Variants in POLE observed in about 807,000 individuals in gnomAD.
POLE encodes DNA polymerase epsilon, catalytic subunit.
In POLE, 188 loss-of-function variants were observed where a neutral mutation model predicts 279.2. The observed-to-expected ratio is 0.67, with a 90% CI of 0.60 to 0.76. POLE has a LOEUF of 0.76. POLE is among the 30% of genes least tolerant of loss of function. The pLI, the probability that POLE is intolerant of heterozygous loss-of-function variation, is 0.00. For synonymous variants in POLE, 1,214 were observed against 1,172.5 expected (o/e 1.04, Z -0.72); for missense variants, 2,703 against 3,016.7 (o/e 0.90, Z 2.44).
intron 16 of POLE, among the ~76,000 whole-genome samples, chr12:132,670,966 C>T (rs991018652): frequency 3.3e-5 from 5 of 152,040 alleles, no homozygotes; most frequent in African/African-American, 1.2e-4. Flanking sequence ...GAATCTATTA[C>T]AAGATGTTTC....
At position 132,639,301 on chromosome 12, in the gene POLE, G is replaced by T. The variant is rs1415497701; in HGVS notation, c.5379-3C>A. On this transcript the variant is annotated splice_region_variant and splice_polypyrimidine_tract_variant and intron_variant, in intron 39 of 48. Coordinates refer to ENST00000320574, the MANE Select transcript of POLE (RefSeq NM_006231.4). This position sits in a 1 kb window ranked among gnomAD's most constrained non-coding sequence, Gnocchi z 4.7. Reference sequence around the variant, plus strand: ...CCACGACCATGCTCTTCAGGATCCTGAAAGAGAAGGTGCACGACACCCTCG... The same window carrying T: ...CCACGACCATGCTCTTCAGGATCCTTAAAGAGAAGGTGCACGACACCCTCG... 4 of 1,613,812 alleles carry T rather than the reference G, an allele frequency of 2.5e-6. No individual in the cohort carries two copies. The highest frequency in any genetic ancestry group is 3.4e-6 in the Non-Finnish European group (4 of 1,179,802).
chr12:132,648,087 G>A lies in POLE; in HGVS notation c.4149+842C>T, dbSNP rs1365009342. On this transcript the variant is annotated intron_variant, in intron 32 of 48. Coordinates refer to ENST00000320574, the MANE Select transcript of POLE (RefSeq NM_006231.4). ...TGTGCTGAGCCGACACATTAACAAC[G>A]GGGAGTTCGGGTGGAGATGCCATCT... Among the ~76,000 whole-genome samples the A allele has an allele frequency of 4.6e-5, 7 of 152,116 alleles. No homozygotes were observed. In the South Asian group the frequency reaches 6.2e-4, roughly 13 times the overall value.
rs780776704 is a variant in POLE, at chr12:132,639,170, G to A, written c.5507C>T (p.Ala1836Val). 68 of 1,614,052 alleles carry A rather than the reference G, an allele frequency of 4.2e-5. No homozygotes were observed. Among genetic ancestry groups the A allele is most frequent in the Non-Finnish European group, 5.7e-5 (67 of 1,180,028 alleles). Residue 1836 changes from alanine to valine, a missense_variant, in exon 40 of 49, where the codon GCC becomes GTC. Coordinates refer to ENST00000320574, the MANE Select transcript of POLE (RefSeq NM_006231.4). The surrounding 1 kb of genome is among the most constrained non-coding windows in gnomAD (Gnocchi z 4.7). ...RSPSSLLHDP[A>V]LHRTLHNMMK... Reference sequence around the variant, plus strand: ...CATGTTGTGGAGTGTGCGGTGCAGGGCAGGGTCATGAAGCAGAGAGGATGG... The same window carrying A: ...CATGTTGTGGAGTGTGCGGTGCAGGACAGGGTCATGAAGCAGAGAGGATGG...
At chr12:132,635,852 C>T in intron 42 of POLE, 40 bp downstream of exon 42, 1 of 1,583,752 alleles carries the variant, frequency 6.3e-7, no homozygotes, top group Non-Finnish European at 8.6e-7. Context: ...TGAACGCGAC[C>T]CCCAAAGCTG....
intron 27 of POLE, 102 bp downstream of exon 27, chr12:132,657,766 G>T: frequency 1.2e-6 from 1 of 852,550 alleles, no homozygotes; most frequent in Non-Finnish European, 1.9e-6. Context: ...GAAGTCAAGA[G>T]TGAAGACGCC....
At chr12:132,672,480 C>G in intron 15 of POLE, 147 bp downstream of exon 15, 1 of 1,058,840 alleles carries the variant, frequency 9.4e-7, no homozygotes, top group Non-Finnish European at 1.4e-6. Context: ...AAGAAGCCCC[C>G]GGGGGGTGCT....
intron 45 of POLE, among the ~76,000 whole-genome samples, chr12:132,629,970 T>C (rs1174743844): frequency 1.3e-5 from 2 of 152,152 alleles, no homozygotes; most frequent in Admixed American, 6.5e-5. Flanking sequence ...CTAATTTCTA[T>C]AGTGTTGTGT....
chr12:132,625,261 C>T, intron 47 of POLE: 1 of 731,380 alleles, frequency 1.4e-6, no homozygotes, highest in East Asian at 2.6e-5. Context: ...CTCCCTCCAT[C>T]CTGCAGGCCT....
rs2042771973 is a variant in POLE at position 132,665,389 on chromosome 12, C to A, written c.2381G>T (p.Cys794Phe). The change falls in exon 21 of 49, where the codon TGC becomes TTC. Residue 794 changes from cysteine (C) to phenylalanine (F), a missense_variant. Transcript: ENST00000320574. ...GTCATACAGCACCTCCATGTTCTTG[C>A]AGCGCTTCACCTCAGCCGCGTCGCC... ...EVGDAAEVKRCKNMEVLYDSL... is the reference protein window; with the variant it reads ...EVGDAAEVKRFKNMEVLYDSL... The A allele has an allele frequency of 1.2e-6, 2 of 1,613,848 alleles. No individual in the cohort carries two copies. The highest frequency in any genetic ancestry group is 1.7e-5 in the Admixed American group (1 of 60,020).
chr12:132,668,675 G>T lies in POLE; in HGVS notation c.1986C>A (p.Asn662Lys). ...ACTGCCAGGCCATCTTCCGCTGGCAGTTTGCTCCAGGCTTATTGAAGTCAC... is the reference window on the plus strand; with the variant it reads ...ACTGCCAGGCCATCTTCCGCTGGCATTTTGCTCCAGGCTTATTGAAGTCAC... ...AACDFNKPGA[N>K]CQRKMAWQWR... The change falls in exon 18 of 49, where the codon AAC (asparagine) becomes AAA (lysine). Residue 662 changes from asparagine to lysine, a missense_variant. This residue lies in a region of POLE where 1,011 missense variants were observed against 1,111.7 expected (regional missense o/e 0.91). Transcript: ENST00000320574. This position sits in a 1 kb window ranked among gnomAD's most constrained non-coding sequence, Gnocchi z 4.0. 6.2e-7 allele frequency: 1 copy of T among 1,613,840 alleles called. No homozygotes were observed. Among genetic ancestry groups the T allele is most frequent in the Non-Finnish European group, 8.5e-7 (1 of 1,179,748 alleles).
In POLE at chr12:132,677,392, T is replaced by C. The variant is rs770579985; in HGVS notation, c.772A>G (p.Thr258Ala). The stretch of plus-strand genomic sequence containing the variant: ...CGTTCAACAAGGTCATCTCGGCGGG[T>C]GATTTCTACCGGAAAAGCATTTCCT... ...YRGNAFPVEI[T>A]RRDDLVERPD... The change falls in exon 8 of 49, where the codon ACC becomes GCC. Residue 258 changes from threonine (T) to alanine (A), a missense_variant. Around this residue, in one of 5 missense-constraint regions of POLE, gnomAD observed 1,011 missense variants for 1,111.7 expected, o/e 0.91. Transcript: ENST00000320574. 6.2e-7 allele frequency: 1 copy of C among 1,613,544 alleles called. No homozygotes were observed. Among genetic ancestry groups the C allele is most frequent in the Admixed American group, 1.7e-5 (1 of 59,972 alleles).
rs2043025937 is a variant in POLE at position 132,675,484 on chromosome 12, A to C, written c.1140T>G (p.Gly380=). The C allele has an allele frequency of 6.2e-7, 1 of 1,614,074 alleles. No homozygotes were observed. The highest frequency in any genetic ancestry group is 8.5e-7 in the Non-Finnish European group (1 of 1,180,018). Reference sequence around the variant, plus strand: ...AGCCTATCTCCTGCTGCATGCTCAGACCGTGGACTGCTGCCCGGGCCTCCA... The same window carrying C: ...AGCCTATCTCCTGCTGCATGCTCAGCCCGTGGACTGCTGCCCGGGCCTCCA... ...PFVEARAAVH[G]LSMQQEIGFQ... The change falls in exon 12 of 49, where the codon GGT becomes GGG. Residue 380 remains glycine (G), a synonymous_variant. Transcript: ENST00000320574. The surrounding 1 kb of genome is among the most constrained non-coding windows in gnomAD (Gnocchi z 4.3).
At chr12:132,665,045 C>T (rs977289748) in intron 21 of POLE, among the ~76,000 whole-genome samples, 14 of 152,120 alleles carry the variant, frequency 9.2e-5, no homozygotes, top group African/African-American at 3.4e-4. Flanking sequence ...AATGGCAAGT[C>T]GTGTCTCCAG....
intron 31 of POLE, 66 bp from the exon 32 acceptor site, chr12:132,649,138 T>C (rs2138601914): frequency 6.4e-7 from 1 of 1,565,970 alleles, no homozygotes; most frequent in Non-Finnish European, 8.7e-7. Flanking sequence ...GGGGCCACCT[T>C]CCAGGTAGCT....
intron 32 of POLE, chr12:132,648,600 G>A (rs997388630): frequency 1.7e-5 from 4 of 232,844 alleles, no homozygotes; most frequent in African/African-American, 6.8e-5. Flanking sequence ...GTTGGATGGC[G>A]TAACTTTACA....
Position 132,643,209 on chromosome 12 carries a change from G to A in POLE, c.4551+15C>T, listed in dbSNP as rs770422878. 16 of 1,610,084 alleles carry A rather than the reference G, an allele frequency of 9.9e-6. No individual in the cohort carries two copies. In the Admixed American group the frequency reaches 1.7e-4, roughly 17 times the overall value. ...GCCCCAGCCAATGTGCTGCCATGGA[G>A]GGCCCAGGACTCACAGTGTCCAGCA... On this transcript the variant is annotated intron_variant, in intron 35 of 48. Transcript: ENST00000320574.
Position 132,639,216 on chromosome 12 carries a change from A to G in POLE, c.5461T>C (p.Phe1821Leu). 1 of 1,614,094 alleles carries G rather than the reference A, an allele frequency of 6.2e-7. No homozygotes were observed. The highest frequency in any genetic ancestry group is 1.1e-5 in the South Asian group (1 of 91,078). The change falls in exon 40 of 49, where the codon TTC becomes CTC. Residue 1821 changes from phenylalanine to leucine, a missense_variant. Physicochemically the swap from Phe to Leu is conservative, Grantham distance 22. Transcript: ENST00000320574. The surrounding 1 kb of genome is among the most constrained non-coding windows in gnomAD (Gnocchi z 4.7). ...GATGGCGACCGAAGCCAGCGGTAGA[A>G]GTGCATCACCTGGTTGTCTGCATAG... is the stretch of plus-strand genomic sequence containing the variant. ...NIYADNQVMHFYRWLRSPSSL... is the reference protein window; with the variant it reads ...NIYADNQVMHLYRWLRSPSSL...
chr12:132,651,874 G>A (rs1193332014), intron 29 of POLE, among the ~76,000 whole-genome samples: 5 of 152,242 alleles, frequency 3.3e-5, no homozygotes, highest in Non-Finnish European at 5.9e-5. Flanking sequence ...GCTCGGAAGT[G>A]GCTCCTTCTC....
At position 132,642,167 on chromosome 12, in the gene POLE, G is replaced by A. The variant is rs371098994; in HGVS notation, c.5173+10C>T. The A allele has an allele frequency of 2.9e-5, 44 of 1,531,992 alleles. No homozygotes were observed. Among genetic ancestry groups the A allele is most frequent in the African/African-American group, 1.1e-4 (8 of 72,324 alleles). The allele number at this position is 1,531,992 out of a possible 1,614,324, so 94.9% of individuals were successfully genotyped here. ...CAGGTCTCATGGGCCTCGTCCTCCC[G>A]CCCACTTACCTGTGGAGTAACAGCC... On this transcript the variant is annotated intron_variant, in intron 38 of 48. Transcript: ENST00000320574.
Sources: allele counts gnomAD v4.1 joint callset (sites outside exome capture counted in the v4.1 genomes callset), GRCh38; gene constraint gnomAD v4.1.1; regional missense constraint gnomAD v4.1.1; non-coding constraint Gnocchi (gnomAD v3.1); transcripts MANE v1.5; gene names NCBI Gene and HGNC (gene_info 2026-07-23, HGNC 2026-07-21).